Variants in VPS13B observed in about 807,000 individuals in gnomAD.
VPS13B encodes the protein vacuolar protein sorting 13 homolog B, also known as intermembrane lipid transfer protein VPS13B.
In VPS13B, 285 loss-of-function variants were observed where a neutral mutation model predicts 426.4. The observed-to-expected ratio is 0.67, with a 90% confidence interval of 0.61 to 0.74. VPS13B has a LOEUF of 0.74. Ranked by LOEUF, VPS13B falls within the 30% of genes least tolerant of loss-of-function variation. The pLI, the probability that VPS13B is intolerant of heterozygous loss-of-function variation, is 0.00. For missense variants in VPS13B, 4,537 were observed against 4,782.6 expected (o/e 0.95, Z 1.51); for synonymous variants, 1,676 against 1,676.4 (o/e 1.00, Z 0.01).
At chr8:99,566,165 A>C (rs975677531) in intron 31 of VPS13B, among the ~76,000 whole-genome samples, 1 of 152,134 alleles carries the variant, frequency 6.6e-6, no homozygotes, top group East Asian at 1.9e-4. Flanking sequence ...GATGGTGTAG[A>C]TATAACAGGG....
intron 44 of VPS13B, among the ~76,000 whole-genome samples, chr8:99,812,800 A>G (rs1051319479): frequency 3.3e-5 from 5 of 152,184 alleles, no homozygotes; most frequent in Non-Finnish European, 7.3e-5. Context: ...ATCGTTTTCC[A>G]GTGCATCTGG....
At chr8:99,742,860 G>T (rs1195035816) in intron 39 of VPS13B, among the ~76,000 whole-genome samples, 2 of 152,112 alleles carry the variant, frequency 1.3e-5, no homozygotes, top group Non-Finnish European at 2.9e-5. Flanking sequence ...CAAACCCACA[G>T]CCAATATCAT....
At chr8:99,240,081 CA>C (rs1244596053) in intron 17 of VPS13B, among the ~76,000 whole-genome samples, 1 of 152,106 alleles carries the variant, frequency 6.6e-6, no homozygotes, top group Non-Finnish European at 1.5e-5. Context: ...TCTTTGACCT[CA>C]AAATTCAATG....
At chr8:99,655,378 C>A (rs1336341982) in intron 34 of VPS13B, among the ~76,000 whole-genome samples, 1 of 152,138 alleles carries the variant, frequency 6.6e-6, no homozygotes, top group Non-Finnish European at 1.5e-5. Context: ...ATAAAAGGGA[C>A]CAGAGTGAGA....
At chr8:99,630,353 T>C (rs1828790531) in intron 33 of VPS13B, among the ~76,000 whole-genome samples, 1 of 152,150 alleles carries the variant, frequency 6.6e-6, no homozygotes. Context: ...CTTTTGTGTC[T>C]TTTTTGTGTG....
intron 19 of VPS13B, among the ~76,000 whole-genome samples, chr8:99,316,131 G>A (rs1419196263): frequency 6.6e-6 from 1 of 152,162 alleles, no homozygotes; most frequent in Admixed American, 6.5e-5. Context: ...AGTGGTGTAG[G>A]CTTGCAACTG....
At chr8:99,284,899 A>G (rs1048875201) in intron 19 of VPS13B, among the ~76,000 whole-genome samples, 4 of 152,232 alleles carry the variant, frequency 2.6e-5, no homozygotes, top group African/African-American at 9.6e-5. Flanking sequence ...AGATACTCTT[A>G]TCTGCTTACT....
chr8:99,039,442 C>T (rs946608038), intron 3 of VPS13B, among the ~76,000 whole-genome samples: 5 of 151,726 alleles, frequency 3.3e-5, no homozygotes, highest in Non-Finnish European at 5.9e-5. Flanking sequence ...AAAAATTTTC[C>T]AATCTAGGAA....
intron 39 of VPS13B, among the ~76,000 whole-genome samples, chr8:99,763,821 C>A (rs906810256): frequency 3.9e-5 from 6 of 152,188 alleles, no homozygotes; most frequent in African/African-American, 9.7e-5. Flanking sequence ...TCACTTATCA[C>A]TAACCAGAAT....
intron 17 of VPS13B, chr8:99,233,591 T>C: frequency 1.6e-6 from 2 of 1,220,504 alleles, no homozygotes; most frequent in Non-Finnish European, 2.4e-6. Flanking sequence ...AGCCAGCATA[T>C]CATTTTCAAA....
At chr8:99,100,786 T>C (rs1048705657) in intron 4 of VPS13B, among the ~76,000 whole-genome samples, 4 of 152,068 alleles carry the variant, frequency 2.6e-5, no homozygotes, top group African/African-American at 9.7e-5. Context: ...CTCATGCCTG[T>C]AATCCCAGTA....
chr8:99,267,375 GCATT>G (rs1242966157), intron 17 of VPS13B, among the ~76,000 whole-genome samples: 2 of 152,128 alleles, frequency 1.3e-5, no homozygotes, highest in Non-Finnish European at 2.9e-5. Flanking sequence ...AAGTGGCAAA[GCATT>G]CAAGAGTAGG....
chr8:99,719,177 A>G (rs1321154219), intron 37 of VPS13B, among the ~76,000 whole-genome samples: 1 of 152,246 alleles, frequency 6.6e-6, no homozygotes, highest in Non-Finnish European at 1.5e-5. Context: ...GTAACTTCAC[A>G]TTGAAAACGA....
chr8:99,846,678 GT>G (rs1187859723), intron 54 of VPS13B, among the ~76,000 whole-genome samples: 1 of 152,176 alleles, frequency 6.6e-6, no homozygotes, highest in African/African-American at 2.4e-5. Context: ...CAGAGTCTAG[GT>G]TTTTTGCCAG....
At chr8:99,059,479 T>C (rs1002403447) in intron 3 of VPS13B, among the ~76,000 whole-genome samples, 1 of 151,928 alleles carries the variant, frequency 6.6e-6, no homozygotes, top group Non-Finnish European at 1.5e-5. Flanking sequence ...CCCAGCCTCT[T>C]TTTGGAGTTT....
chr8:99,333,009 G>A (rs1186681256), intron 19 of VPS13B, among the ~76,000 whole-genome samples: 1 of 151,644 alleles, frequency 6.6e-6, no homozygotes, highest in Non-Finnish European at 1.5e-5. Context: ...ACATGAGGGA[G>A]TAATCATAAT....
Position 99,123,918 on chromosome 8 carries a change from C to T in VPS13B, c.1206+2473C>T, listed in dbSNP as rs149423391. 3.8e-3 allele frequency among the ~76,000 whole-genome samples: 572 copies of T among 152,100 alleles called. 1 individual carries two copies. Among genetic ancestry groups the T allele is most frequent in the African/African-American group, 0.013 (546 of 41,506 alleles). Reference sequence around the variant, plus strand: ...CCTGCTGTATATTTAAGTAGAGTAACTTAGTGGAGAGTTGGATATATGGAT... The same window carrying T: ...CCTGCTGTATATTTAAGTAGAGTAATTTAGTGGAGAGTTGGATATATGGAT... On this transcript the variant is annotated intron_variant, in intron 8 of 61. Coordinates refer to ENST00000357162, the MANE Select transcript of VPS13B (RefSeq NM_152564.5).
At chr8:99,640,040 GAAGAAGAAGAGAAAAGAAAAGAAA>G (rs1829265321) in intron 33 of VPS13B, among the ~76,000 whole-genome samples, 2 of 110,948 alleles carry the variant, frequency 1.8e-5, no homozygotes, top group Non-Finnish European at 3.6e-5. Context: ...AGAAGAAGAA[GAAGAAGAAGAGAAAAGAAAAGAAA>G]AGAAAAGAAA....
intron 8 of VPS13B, among the ~76,000 whole-genome samples, chr8:99,122,627 A>G (rs190558492): frequency 6.6e-6 from 1 of 152,310 alleles, no homozygotes; most frequent in African/African-American, 2.4e-5. Context: ...CTATTACCAT[A>G]CATGTAATAT....
Sources: allele counts gnomAD v4.1 joint callset (sites outside exome capture counted in the v4.1 genomes callset), GRCh38; gene constraint gnomAD v4.1.1; transcripts MANE v1.5; gene names NCBI Gene and HGNC (gene_info 2026-07-23, HGNC 2026-07-21).